PDE7A: variants seen among roughly 807,000 people sequenced by gnomAD.
The protein encoded by PDE7A is high affinity 3',5'-cyclic-AMP phosphodiesterase 7A.
In PDE7A, 39 loss-of-function variants were observed where a neutral mutation model predicts 64.3. That is an observed-to-expected ratio of 0.61 (90% CI 0.47 to 0.79). PDE7A has a LOEUF of 0.79. PDE7A is among the 30% of genes least tolerant of loss of function. The pLI, the probability that PDE7A is intolerant of heterozygous loss-of-function variation, is 0.00. For synonymous variants in PDE7A, 203 were observed against 206.8 expected, an observed-to-expected ratio of 0.98 and a Z score of 0.16; for missense variants, 470 against 582.8, an observed-to-expected ratio of 0.81 and a Z score of 1.99.
intron 1 of PDE7A, among the ~76,000 whole-genome samples, chr8:65,799,403 C>CA (rs1809937854): frequency 6.6e-6 from 1 of 151,956 alleles, no homozygotes; most frequent in Non-Finnish European, 1.5e-5. Context: ...CATGCAAAGA[C>CA]AAAAGGAAGT....
chr8:65,831,167 A>G (rs559367899), intron 1 of PDE7A, among the ~76,000 whole-genome samples: 32 of 152,126 alleles, frequency 2.1e-4, no homozygotes, highest in Non-Finnish European at 4.0e-4. Context: ...CTGTATGAGC[A>G]AAATGTTTGA....
intron 3 of PDE7A, among the ~76,000 whole-genome samples, chr8:65,777,438 T>C (rs937864050): frequency 1.3e-5 from 2 of 152,194 alleles, no homozygotes; most frequent in African/African-American, 4.8e-5. Context: ...ACCAATCTTA[T>C]ATTCCTGGAA....
At chr8:65,727,858 C>T (rs1265515367) in intron 7 of PDE7A, 2 of 152,200 alleles carry the variant, frequency 1.3e-5, no homozygotes, top group Non-Finnish European at 2.9e-5. Flanking sequence ...CGGATGGCTA[C>T]ATTCATAACA....
intron 2 of PDE7A, among the ~76,000 whole-genome samples, chr8:65,780,361 CT>C (rs1809379797): frequency 6.6e-6 from 1 of 152,106 alleles, no homozygotes; most frequent in Non-Finnish European, 1.5e-5. Flanking sequence ...ATGTTAAAGA[CT>C]TTGTTTTAAA....
At chr8:65,832,727 A>G (rs1406656363) in intron 1 of PDE7A, among the ~76,000 whole-genome samples, 2 of 151,888 alleles carry the variant, frequency 1.3e-5, no homozygotes, top group South Asian at 2.1e-4. Flanking sequence ...AATTCAAGCA[A>G]CCCTCCCACC....
At chr8:65,789,964 G>C (rs550572334) in intron 1 of PDE7A, among the ~76,000 whole-genome samples, 1 of 152,214 alleles carries the variant, frequency 6.6e-6, no homozygotes, top group Non-Finnish European at 1.5e-5. Flanking sequence ...TAACAAATGC[G>C]ATGAAGCAGA....
At chr8:65,747,524 TG>T in intron 4 of PDE7A, 127 bp downstream of exon 4, 1 of 529,366 alleles carries the variant, frequency 1.9e-6, no homozygotes, top group Non-Finnish European at 3.1e-6. Flanking sequence ...GAAAAAAACC[TG>T]GAAAATAGGC....
chr8:65,723,440 AATG>A, intron 12 of PDE7A, 98 bp downstream of exon 12: 1 of 1,110,898 alleles, frequency 9.0e-7, no homozygotes, highest in Non-Finnish European at 1.2e-6. Context: ...TAAAAATAGA[AATG>A]AGCATAATTT....
At chr8:65,739,424 A>G (rs1807302336) in intron 6 of PDE7A, 78 bp downstream of exon 6, 1 of 1,428,918 alleles carries the variant, frequency 7.0e-7, no homozygotes, top group African/African-American at 1.5e-5. Flanking sequence ...TAGCTAACCG[A>G]TATAACTGAG....
At chr8:65,819,786 T>C (rs1057396795) in intron 1 of PDE7A, among the ~76,000 whole-genome samples, 2 of 152,238 alleles carry the variant, frequency 1.3e-5, no homozygotes, top group African/African-American at 4.8e-5. Flanking sequence ...TTCCTGAGCA[T>C]ACAATCAGTC....
At chr8:65,735,925 G>A (rs890445985) in intron 6 of PDE7A, among the ~76,000 whole-genome samples, 3 of 152,128 alleles carry the variant, frequency 2.0e-5, no homozygotes, top group South Asian at 2.1e-4. Flanking sequence ...ATGCCCGGCC[G>A]TATGTGTTTT....
chr8:65,801,695 T>C (rs1317744489), intron 1 of PDE7A, among the ~76,000 whole-genome samples: 1 of 152,154 alleles, frequency 6.6e-6, no homozygotes, highest in Admixed American at 6.5e-5. Context: ...AACCATCAGC[T>C]AGGAGAACAT....
intron 3 of PDE7A, among the ~76,000 whole-genome samples, chr8:65,767,594 G>C (rs1390467975): frequency 1.3e-5 from 2 of 152,152 alleles, no homozygotes; most frequent in African/African-American, 4.8e-5. Flanking sequence ...TCCCCAGAGA[G>C]GGTCTTGCCC....
chr8:65,801,220 G>T (rs1283499660), intron 1 of PDE7A, among the ~76,000 whole-genome samples: 2 of 152,114 alleles, frequency 1.3e-5, no homozygotes, highest in East Asian at 3.8e-4. Context: ...TGGAGTGAAT[G>T]AAACTATTTA....
Position 65,779,755 on chromosome 8 carries a change from C to T in PDE7A, c.248G>A (p.Gly83Asp). 1 of 1,597,930 alleles carries T rather than the reference C, an allele frequency of 6.3e-7. No homozygotes were observed. Among genetic ancestry groups the T allele is most frequent in the Non-Finnish European group, 8.6e-7 (1 of 1,169,376 alleles). The change falls in exon 3 of 13, where the codon GGT (glycine) becomes GAT (aspartate). Residue 83 changes from glycine to aspartate, a missense_variant. By Grantham distance (94) the Gly-to-Asp change is moderately conservative. Coordinates refer to ENST00000401827, the MANE Select transcript of PDE7A (RefSeq NM_001242318.3). ...SRAGFESERR[G>D]SHPYIDFRIF... is the part of the protein sequence containing the mutation. ...ACGAAAATCAATATATGGGTGAGAA[C>T]CTCTTCTTTCTGATTCAAATCCTGC...
At chr8:65,798,206 A>ATATATATATATATATTTTTTTTTTTTT in intron 1 of PDE7A, among the ~76,000 whole-genome samples, 1 of 73,834 alleles carries the variant, frequency 1.4e-5, no homozygotes, top group African/African-American at 5.8e-5. Context: ...ATATATATAT[A>ATATATATATATATATTTTTTTTTTTTT]TTTTTTTTTT....
At chr8:65,748,966 C>T (rs1282594229) in intron 3 of PDE7A, among the ~76,000 whole-genome samples, 2 of 152,182 alleles carry the variant, frequency 1.3e-5, no homozygotes, top group Non-Finnish European at 2.9e-5. Context: ...TTTCATGGCT[C>T]TTCATCATCT....
intron 3 of PDE7A, among the ~76,000 whole-genome samples, chr8:65,777,337 C>T (rs1322303215): frequency 1.3e-5 from 2 of 152,018 alleles, no homozygotes; most frequent in African/African-American, 4.8e-5. Context: ...CCTCAGCCTC[C>T]CAAAGTGCTG....
chr8:65,807,607 G>A (rs1810142163), intron 1 of PDE7A, among the ~76,000 whole-genome samples: 1 of 152,080 alleles, frequency 6.6e-6, no homozygotes, highest in South Asian at 2.1e-4. Context: ...CCTTGTTCCT[G>A]GTCCTACAGG....
Sources: gnomAD v4.1 joint callset for allele counts (sites outside exome capture counted in the v4.1 genomes callset) on GRCh38, gnomAD v4.1.1 for gene constraint, MANE v1.5 for transcripts, NCBI Gene and HGNC (gene_info 2026-07-23, HGNC 2026-07-21) for gene names.